EXOC6B: variants seen among roughly 807,000 people sequenced by gnomAD.
EXOC6B encodes SEC15 homolog B.
Under a neutral mutation model 113.5 loss-of-function variants are expected in EXOC6B, and 54 were observed. The observed-to-expected ratio is 0.48, with a 90% CI of 0.38 to 0.60. EXOC6B has a LOEUF of 0.60. Among genes scored for constraint, EXOC6B ranks in the 20% least tolerant of loss-of-function variants. The pLI, the probability that EXOC6B is intolerant of heterozygous loss-of-function variation, is 0.00. For synonymous variants in EXOC6B, 357 were observed against 339.0 expected, an observed-to-expected ratio of 1.05 and a Z score of -0.58; for missense variants, 797 against 977.5, an observed-to-expected ratio of 0.82 and a Z score of 2.46.
intron 6 of EXOC6B, among the ~76,000 whole-genome samples, chr2:72,588,815 A>T (rs1227420303): frequency 6.6e-6 from 1 of 152,064 alleles, no homozygotes; most frequent in Non-Finnish European, 1.5e-5. Context: ...CATTTTAATG[A>T]TGGACACATA....
intron 17 of EXOC6B, among the ~76,000 whole-genome samples, chr2:72,466,512 T>C (rs1698067909): frequency 6.6e-6 from 1 of 152,120 alleles, no homozygotes; most frequent in Non-Finnish European, 1.5e-5. Context: ...CTGTAAATTA[T>C]ATCTCCCAAA....
chr2:72,675,244 A>C (rs960078305), intron 6 of EXOC6B, among the ~76,000 whole-genome samples: 1 of 152,248 alleles, frequency 6.6e-6, no homozygotes, highest in Non-Finnish European at 1.5e-5. Flanking sequence ...CAAAACTGCC[A>C]CAGTTGATTA....
intron 6 of EXOC6B, among the ~76,000 whole-genome samples, chr2:72,706,381 T>C (rs1573658177): frequency 1.3e-5 from 2 of 152,290 alleles, no homozygotes; most frequent in East Asian, 3.9e-4. Flanking sequence ...ACTTGCCTTC[T>C]TTTTTGAAGA....
intron 20 of EXOC6B, among the ~76,000 whole-genome samples, chr2:72,221,752 A>G (rs1454159995): frequency 6.6e-6 from 1 of 152,170 alleles, no homozygotes; most frequent in Non-Finnish European, 1.5e-5. Flanking sequence ...AGAATAATTA[A>G]CTTTTAAATT....
intron 20 of EXOC6B, among the ~76,000 whole-genome samples, chr2:72,283,262 C>T (rs6737957): frequency 0.36 from 54,601 of 151,734 alleles, 12,633 homozygotes; most frequent in African/African-American, 0.66. Flanking sequence ...GCAGAGACTT[C>T]AGTTTTCAGA....
Position 72,465,329 on chromosome 2 carries a change from T to G in EXOC6B, c.1811A>C (p.His604Pro). Residue 604 changes from histidine to proline, a missense_variant, in exon 18 of 22, where the codon CAT (histidine) becomes CCT (proline). Transcript: ENST00000272427. ...GGTATAAATCTCTTCTTCAGCTGCA[T>G]GTCTAGCATCCTGTGAAAAAATATA... ...YGTTTFKDAR[H>P]AAEEEIYTNL... 6.3e-7 allele frequency: 1 copy of G among 1,585,458 alleles called. No individual in the cohort carries two copies. Among genetic ancestry groups the G allele is most frequent in the Non-Finnish European group, 8.6e-7 (1 of 1,167,378 alleles).
intron 7 of EXOC6B, among the ~76,000 whole-genome samples, chr2:72,561,603 A>T (rs1253803797): frequency 1.3e-5 from 2 of 152,128 alleles, no homozygotes; most frequent in Non-Finnish European, 2.9e-5. Flanking sequence ...TGAACATCTA[A>T]ATTAAGGGAG....
chr2:72,349,972 A>C (rs1689557839), intron 19 of EXOC6B, among the ~76,000 whole-genome samples: 1 of 152,090 alleles, frequency 6.6e-6, no homozygotes, highest in Admixed American at 6.6e-5. Flanking sequence ...ATTGTAGGAT[A>C]CTCAGTTGGT....
At chr2:72,759,700 T>C (rs889586814) in intron 1 of EXOC6B, among the ~76,000 whole-genome samples, 4 of 152,198 alleles carry the variant, frequency 2.6e-5, no homozygotes, top group African/African-American at 9.6e-5. Context: ...CACCAACATT[T>C]AAACGGAGAT....
chr2:72,397,635 TA>T lies in EXOC6B; in HGVS notation c.1981-17766del, dbSNP rs1226704018. On this transcript the variant is annotated intron_variant, in intron 18 of 21. Transcript: ENST00000272427. The stretch of plus-strand genomic sequence containing the variant: ...CTCATCTCAAAAAAAAAAAATAAAA[TA>T]AAATAAAATAAAATAAAATAAAATT... Among the ~76,000 whole-genome samples the T allele has an allele frequency of 1.1e-3, 131 of 119,198 alleles. 4 individuals carry two copies. Among genetic ancestry groups the T allele is most frequent in the African/African-American group, 6.5e-3 (119 of 18,292 alleles). 78.2% of individuals were successfully genotyped at this position (119,198 alleles called of 152,430 possible).
intron 1 of EXOC6B, among the ~76,000 whole-genome samples, chr2:72,746,295 T>G (rs1232831510): frequency 6.6e-6 from 1 of 152,084 alleles, no homozygotes; most frequent in African/African-American, 2.4e-5. Flanking sequence ...ACTATAGTAC[T>G]TAGTAAAAGG....
intron 20 of EXOC6B, among the ~76,000 whole-genome samples, chr2:72,216,154 A>T (rs1171783708): frequency 6.6e-6 from 1 of 152,136 alleles, no homozygotes. Context: ...TGAATAATCA[A>T]TGCCAACACT....
At chr2:72,606,647 T>TA (rs1404884730) in intron 6 of EXOC6B, among the ~76,000 whole-genome samples, 3 of 151,758 alleles carry the variant, frequency 2.0e-5, no homozygotes, top group Non-Finnish European at 4.4e-5. Context: ...TTTTTTTTTT[T>TA]AGACAGGGTC....
At chr2:72,545,763 T>C (rs1436328215) in intron 8 of EXOC6B, among the ~76,000 whole-genome samples, 1 of 152,238 alleles carries the variant, frequency 6.6e-6, no homozygotes, top group African/African-American at 2.4e-5. Context: ...ATCTTAAGTC[T>C]AACTTTGAGA....
chr2:72,341,412 T>C (rs976444544), intron 19 of EXOC6B, among the ~76,000 whole-genome samples: 3 of 152,040 alleles, frequency 2.0e-5, no homozygotes, highest in African/African-American at 7.2e-5. Context: ...CACAATAGAC[T>C]GAAAATGAAA....
At chr2:72,601,350 T>C (rs375694752) in intron 6 of EXOC6B, among the ~76,000 whole-genome samples, 17 of 151,910 alleles carry the variant, frequency 1.1e-4, no homozygotes, top group African/African-American at 3.9e-4. Flanking sequence ...GCCCAGCTAA[T>C]TTTTTTGTAC....
chr2:72,486,757 G>T (rs757127191), intron 16 of EXOC6B, among the ~76,000 whole-genome samples: 1 of 151,864 alleles, frequency 6.6e-6, no homozygotes, highest in Non-Finnish European at 1.5e-5. Flanking sequence ...TCTTACTTAA[G>T]GACATTGCAT....
intron 1 of EXOC6B, among the ~76,000 whole-genome samples, chr2:72,765,622 G>A (rs938657294): frequency 1.4e-4 from 21 of 152,060 alleles, no homozygotes; most frequent in Non-Finnish European, 2.6e-4. Context: ...GCTGTGAGCC[G>A]AGATTGCGCC....
chr2:72,423,168 C>T (rs944597957), intron 18 of EXOC6B, among the ~76,000 whole-genome samples: 5 of 151,670 alleles, frequency 3.3e-5, no homozygotes, highest in Non-Finnish European at 5.9e-5. Flanking sequence ...CAACTCCAGA[C>T]GCACTGCCTT....
Sources: allele counts gnomAD v4.1 joint callset (sites outside exome capture counted in the v4.1 genomes callset), GRCh38; gene constraint gnomAD v4.1.1; transcripts MANE v1.5; gene names NCBI Gene and HGNC (gene_info 2026-07-23, HGNC 2026-07-21).